KIAA1191: variants seen among roughly 807,000 people sequenced by gnomAD.
KIAA1191 encodes KIAA1191.
Under a neutral mutation model 31.1 loss-of-function variants are expected in KIAA1191, and 22 were observed. That is an observed-to-expected ratio of 0.71 (90% CI 0.51 to 1.01). The LOEUF (loss-of-function observed/expected upper bound fraction) is 1.01, where lower values mean the gene tolerates loss of function less well. Ranked by LOEUF, KIAA1191 falls within the 50% of genes least tolerant of loss-of-function variation. The pLI, the probability that KIAA1191 is intolerant of heterozygous loss-of-function variation, is 0.00. For missense variants in KIAA1191, 319 were observed against 388.0 expected (o/e 0.82, Z 1.49); for synonymous variants, 130 against 143.9 (o/e 0.90, Z 0.69).
intron 3 of KIAA1191, among the ~76,000 whole-genome samples, chr5:176,357,994 G>A (rs1473249112): frequency 5.9e-5 from 9 of 151,706 alleles, no homozygotes; most frequent in Non-Finnish European, 1.0e-4. Flanking sequence ...TCACAACCCC[G>A]AGAGATAGGA....
At position 176,355,609 on chromosome 5, in the gene KIAA1191, G is replaced by T. The variant is rs760009835; in HGVS notation, c.169C>A (p.Pro57Thr). ...TGATACTTGCGCTCTGGAATCACTG[G>T]CTTCCAAGGGACGCTGCCCATGTCC... Reference protein sequence around the residue: ...PSDMGSVPWKPVIPERKYQHL... With the variant: ...PSDMGSVPWKTVIPERKYQHL... Residue 57 changes from proline (P) to threonine (T), a missense_variant, in exon 4 of 9, where the codon CCA (proline) becomes ACA (threonine). Coordinates refer to ENST00000298569, the MANE Select transcript of KIAA1191 (RefSeq NM_020444.5). The surrounding 1 kb of genome is among the most constrained non-coding windows in gnomAD (Gnocchi z 4.2). 1.7e-5 allele frequency: 27 copies of T among 1,611,954 alleles called. No homozygotes were observed. In the South Asian group the frequency reaches 2.4e-4, roughly 14 times the overall value.
chr5:176,355,987 A>G lies in KIAA1191; in HGVS notation c.29-238T>C, dbSNP rs1006541447. On this transcript the variant is annotated intron_variant, in intron 3 of 8. Coordinates refer to ENST00000298569, the MANE Select transcript of KIAA1191 (RefSeq NM_020444.5). The surrounding 1 kb of genome is among the most constrained non-coding windows in gnomAD (Gnocchi z 4.2). ...GCCGTCCTAATCCTTTTTTTTTATT[A>G]TTTGTTTAGAGACACAGTCTATGTT... is the stretch of plus-strand genomic sequence containing the variant. 8.4e-6 allele frequency: 4 copies of G among 476,640 alleles called. No homozygotes were observed. The highest frequency in any genetic ancestry group is 7.9e-5 in the African/African-American group (4 of 50,432). 29.5% of individuals were successfully genotyped at this position (476,640 alleles called of 1,614,324 possible).
chr5:176,359,669 C>T, intron 2 of KIAA1191, 102 bp from the exon 3 acceptor site: 1 of 637,360 alleles, frequency 1.6e-6, no homozygotes, highest in Non-Finnish European at 2.9e-6. Context: ...GGTTGAAACA[C>T]ACATGCAAGA....
intron 6 of KIAA1191, among the ~76,000 whole-genome samples, chr5:176,350,268 C>T (rs1766868701): frequency 6.6e-6 from 1 of 152,210 alleles, no homozygotes; most frequent in Non-Finnish European, 1.5e-5. Flanking sequence ...ATAGCAAAAA[C>T]ATTCCAATTC....
intron 4 of KIAA1191, chr5:176,354,189 C>T (rs1032541088): frequency 1.3e-5 from 2 of 152,288 alleles, no homozygotes; most frequent in African/African-American, 2.4e-5. Context: ...ACTGAATCCC[C>T]ACAACACCTC....
chr5:176,359,687 G>T, intron 2 of KIAA1191, 120 bp from the exon 3 acceptor site: 1 of 591,174 alleles, frequency 1.7e-6, no homozygotes. Flanking sequence ...AGAGCCAGTG[G>T]GTGACAAACA....
At position 176,355,493 on chromosome 5, in the gene KIAA1191, G is replaced by A. The variant is rs1767432055; in HGVS notation, c.207+78C>T. The A allele has an allele frequency of 3.6e-6, 5 of 1,397,122 alleles. No homozygotes were observed. The highest frequency in any genetic ancestry group is 5.0e-6 in the Non-Finnish European group (5 of 1,008,204). 86.5% of individuals were successfully genotyped at this position (1,397,122 alleles called of 1,614,324 possible). On this transcript the variant is annotated intron_variant, in intron 4 of 8. Coordinates refer to ENST00000298569, the MANE Select transcript of KIAA1191 (RefSeq NM_020444.5). This position sits in a 1 kb window ranked among gnomAD's most constrained non-coding sequence, Gnocchi z 4.2. Reference sequence around the variant, plus strand: ...TTGCTGCCCAGTCCCATGGGCACAGGGAGCCACTGAAGGCTTCTGGAGCAG... The same window carrying A: ...TTGCTGCCCAGTCCCATGGGCACAGAGAGCCACTGAAGGCTTCTGGAGCAG...
In KIAA1191 at chr5:176,355,659, G is replaced by GTGC. The variant is rs1561757947; in HGVS notation, c.118_119insGCA (p.Pro40delinsArgThr). On this transcript the variant is annotated protein_altering_variant, in exon 4 of 9. Transcript: ENST00000298569. This position sits in a 1 kb window ranked among gnomAD's most constrained non-coding sequence, Gnocchi z 4.2. ...CGATGGAGGAGGAGTCATGGGCGCA[G>GTGC]GGTCCTCGAGGGTATCATCATAGCT... 2 of 1,613,246 alleles carry GTGC rather than the reference G, an allele frequency of 1.2e-6. No individual in the cohort carries two copies. Among genetic ancestry groups the GTGC allele is most frequent in the Non-Finnish European group, 1.7e-6 (2 of 1,180,032 alleles).
chr5:176,358,912 G>A (rs531596630), intron 3 of KIAA1191, among the ~76,000 whole-genome samples: 6 of 151,852 alleles, frequency 4.0e-5, no homozygotes, highest in South Asian at 4.2e-4. Flanking sequence ...GTGAAACCTC[G>A]TCTCTACTAA....
chr5:176,357,387 C>G (rs1382085662), intron 3 of KIAA1191: 1 of 152,074 alleles, frequency 6.6e-6, no homozygotes, highest in Non-Finnish European at 1.5e-5. Flanking sequence ...AAAATCACGA[C>G]ATTGTTCACT....
intron 3 of KIAA1191, among the ~76,000 whole-genome samples, chr5:176,356,892 A>C (rs771478627): frequency 6.6e-6 from 1 of 152,232 alleles, no homozygotes; most frequent in African/African-American, 2.4e-5. Flanking sequence ...TATTGCTATT[A>C]GTAATAATTA....
chr5:176,355,890 A>G lies in KIAA1191; in HGVS notation c.29-141T>C. ...AGCTTGTTTTGGAGTAGCTAATCCCATCCAGGAAAGGCAGTGGTACCAATC... is the reference window on the plus strand; with the variant it reads ...AGCTTGTTTTGGAGTAGCTAATCCCGTCCAGGAAAGGCAGTGGTACCAATC... On this transcript the variant is annotated intron_variant, in intron 3 of 8. Transcript: ENST00000298569. The surrounding 1 kb of genome is among the most constrained non-coding windows in gnomAD (Gnocchi z 4.2). 2 of 807,616 alleles carry G rather than the reference A, an allele frequency of 2.5e-6. No homozygotes were observed. The allele number at this position is 807,616 out of a possible 1,614,324, so 50.0% of individuals were successfully genotyped here.
At position 176,355,417 on chromosome 5, in the gene KIAA1191, A is replaced by G. The variant is rs201770457; in HGVS notation, c.207+154T>C. Among the ~76,000 whole-genome samples, 8 of 151,304 alleles carry G rather than the reference A, an allele frequency of 5.3e-5. No homozygotes were observed. Among genetic ancestry groups the G allele is most frequent in the South Asian group, 2.1e-4 (1 of 4,780 alleles). ...AACAAAATAAATAAAATCTTAAAAA[A>G]AAAAAAAAGACAGCTATAACTGAGG... On this transcript the variant is annotated intron_variant, in intron 4 of 8. Transcript: ENST00000298569. This position sits in a 1 kb window ranked among gnomAD's most constrained non-coding sequence, Gnocchi z 4.2.
In KIAA1191 at chr5:176,348,353, GT is replaced by G; in HGVS notation, c.462del (p.Lys154AsnfsTer2). On this transcript the variant is annotated frameshift_variant and splice_region_variant, in exon 7 of 9. Transcript: ENST00000298569. LOFTEE classifies it high-confidence loss of function. ...GTTACCTCTCCACTCTGTAACTTTA[GT>G]TTCTGCTCAGATGGGTAAGAAGAGA... ...KYLRVAEALH[K>X]LKLQSGEVTK... 1 of 1,612,070 alleles carries G rather than the reference GT, an allele frequency of 6.2e-7. No homozygotes were observed. Among genetic ancestry groups the G allele is most frequent in the Non-Finnish European group, 8.5e-7 (1 of 1,178,606 alleles).
At chr5:176,354,319 AC>A (rs1405047970) in intron 4 of KIAA1191, 1 of 152,198 alleles carries the variant, frequency 6.6e-6, no homozygotes, top group East Asian at 1.9e-4. Flanking sequence ...ATTTCAGTGG[AC>A]CCTTACTGTG....
intron 6 of KIAA1191, chr5:176,348,985 C>G (rs1429632365): frequency 6.6e-6 from 1 of 152,606 alleles, no homozygotes; most frequent in African/African-American, 2.4e-5. Flanking sequence ...TCCCTCCAGG[C>G]CTGCCACGCC....
chr5:176,359,129 G>C (rs1480565755), intron 3 of KIAA1191, among the ~76,000 whole-genome samples: 46 of 141,510 alleles, frequency 3.3e-4, no homozygotes, highest in African/African-American at 1.2e-3. Flanking sequence ...GACCAGCCTG[G>C]CCAATATGGT....
intron 6 of KIAA1191, 118 bp from the exon 7 acceptor site, chr5:176,348,474 T>C: frequency 1.5e-6 from 1 of 679,218 alleles, no homozygotes; most frequent in Non-Finnish European, 2.6e-6. Context: ...CATCTACAGG[T>C]GGAATGATTT....
At chr5:176,349,222 C>A (rs1484224993) in intron 6 of KIAA1191, among the ~76,000 whole-genome samples, 1 of 152,168 alleles carries the variant, frequency 6.6e-6, no homozygotes, top group East Asian at 1.9e-4. Context: ...TTCTCACTGA[C>A]CTATCCTGGA....
Sources: gnomAD v4.1 joint callset for allele counts (sites outside exome capture counted in the v4.1 genomes callset) on GRCh38, gnomAD v4.1.1 for gene constraint, Gnocchi (gnomAD v3.1) non-coding constraint, MANE v1.5 for transcripts, NCBI Gene and HGNC (gene_info 2026-07-23, HGNC 2026-07-21) for gene names.